The following TRAF3IP2 variants were observed in gnomAD, a reference collection of about 807,000 sequenced individuals.
TRAF3IP2 encodes E3 ubiquitin ligase TRAF3IP2.
A neutral mutation model predicts 57.9 loss-of-function variants in TRAF3IP2; 35 were observed. That is an observed-to-expected ratio of 0.60 (90% CI 0.46 to 0.80). The LOEUF is 0.80. Among genes scored for constraint, TRAF3IP2 ranks in the 30% least tolerant of loss-of-function variants. The pLI, the probability that TRAF3IP2 is intolerant of heterozygous loss-of-function variation, is 0.00. For synonymous variants in TRAF3IP2, 251 were observed against 268.9 expected, an observed-to-expected ratio of 0.93 and a Z score of 0.65; for missense variants, 556 against 706.4, an observed-to-expected ratio of 0.79 and a Z score of 2.41.
intron 2 of TRAF3IP2, among the ~76,000 whole-genome samples, chr6:111,581,983 CA>C (rs139566331): frequency 6.6e-6 from 1 of 151,450 alleles, no homozygotes; most frequent in Non-Finnish European, 1.5e-5. Context: ...GTCTCAAAAA[CA>C]AAAAAAAGAA....
At position 111,577,149 on chromosome 6, in the gene TRAF3IP2, CTTTTTT is replaced by C. The variant is rs11350237; in HGVS notation, c.1023-1334_1023-1329del. The C allele has an allele frequency of 2.1e-5, 3 of 140,516 alleles. No homozygotes were observed. In the East Asian group the frequency reaches 5.9e-4, roughly 28 times the overall value. The allele number at this position is 140,516 out of a possible 1,614,324, so 8.7% of individuals were successfully genotyped here. A position where few individuals can be genotyped will look rare whatever the true frequency, so the allele number is the denominator to read the frequency against. On this transcript the variant is annotated intron_variant, in intron 3 of 8. Coordinates refer to ENST00000368761, the MANE Select transcript of TRAF3IP2 (RefSeq NM_147686.4). ...TCCCATTCCATATTTTTTTCTTTTT[CTTTTTT>C]TTTTTTATTTCTCCAAGAAAAACTC...
At chr6:111,594,243 A>G (rs914593950) in intron 1 of TRAF3IP2, among the ~76,000 whole-genome samples, 60 of 152,120 alleles carry the variant, frequency 3.9e-4, no homozygotes, top group African/African-American at 1.4e-3. Context: ...AGAAAACGAA[A>G]ATATTTTTTC....
In TRAF3IP2 at chr6:111,557,556, A is replaced by T. The variant is rs1294453480; in HGVS notation, c.*1849T>A. ...ACCATTTTCCTGCCTCAGCCTCCCCAGTAGCTGGGACTACAGGCGCCTGCC... is the reference window on the plus strand; with the variant it reads ...ACCATTTTCCTGCCTCAGCCTCCCCTGTAGCTGGGACTACAGGCGCCTGCC... On this transcript the variant is annotated 3_prime_UTR_variant, in exon 9 of 9. Coordinates refer to ENST00000368761, the MANE Select transcript of TRAF3IP2 (RefSeq NM_147686.4). 6.8e-6 allele frequency: 1 copy of T among 146,426 alleles called. No homozygotes were observed. The highest frequency in any genetic ancestry group is 1.5e-5 in the Non-Finnish European group (1 of 67,414). The allele number at this position is 146,426 out of a possible 1,614,324, so 9.1% of individuals were successfully genotyped here.
At chr6:111,576,203 C>T (rs1367138485) in intron 3 of TRAF3IP2, among the ~76,000 whole-genome samples, 2 of 152,092 alleles carry the variant, frequency 1.3e-5, no homozygotes, top group African/African-American at 4.8e-5. Flanking sequence ...ACTTTTAGCT[C>T]ATAATAGGTA....
intron 1 of TRAF3IP2, among the ~76,000 whole-genome samples, chr6:111,605,415 C>G (rs1445364844): frequency 1.3e-5 from 2 of 152,250 alleles, no homozygotes; most frequent in African/African-American, 4.8e-5. Flanking sequence ...CCCTGGCTCT[C>G]TCTTTGGAGA....
intron 2 of TRAF3IP2, among the ~76,000 whole-genome samples, chr6:111,590,305 C>T (rs1031942678): frequency 6.6e-5 from 10 of 152,124 alleles, no homozygotes; most frequent in African/African-American, 2.4e-4. Flanking sequence ...AGAGGAGACA[C>T]GTACATAATT....
Position 111,567,676 on chromosome 6 carries a change from T to C in TRAF3IP2, c.1307A>G (p.Asp436Gly). Residue 436 changes from aspartate (D) to glycine (G), a missense_variant, in exon 6 of 9, where the codon GAT becomes GGT. Transcript: ENST00000368761. ...GFQTAIDIFE[D>G]RIRGIDIIKW... ...AATGATATCAATGCCTCGGATTCTATCCTCAAATATGTCAATCTGCAAAAA... is the reference window on the plus strand; with the variant it reads ...AATGATATCAATGCCTCGGATTCTACCCTCAAATATGTCAATCTGCAAAAA... The C allele has an allele frequency of 6.2e-7, 1 of 1,607,004 alleles. No individual in the cohort carries two copies. Among genetic ancestry groups the C allele is most frequent in the Non-Finnish European group, 8.5e-7 (1 of 1,177,520 alleles).
intron 8 of TRAF3IP2, among the ~76,000 whole-genome samples, chr6:111,560,694 C>T (rs1199928651): frequency 6.6e-6 from 1 of 152,154 alleles, no homozygotes; most frequent in Admixed American, 6.5e-5. Flanking sequence ...TCAGGTAATA[C>T]GGGCATTGTC....
At chr6:111,580,485 C>T in intron 2 of TRAF3IP2, 96 bp from the exon 3 acceptor site, 1 of 1,152,136 alleles carries the variant, frequency 8.7e-7, no homozygotes, top group Non-Finnish European at 1.2e-6. Context: ...TGTCTTGATC[C>T]CAGCTGAGGG....
chr6:111,595,981 G>A (rs1004069438), intron 1 of TRAF3IP2, among the ~76,000 whole-genome samples: 2 of 152,108 alleles, frequency 1.3e-5, no homozygotes, highest in Non-Finnish European at 2.9e-5. Flanking sequence ...GCGTCCCAGG[G>A]CCTTCGTGCT....
rs754074851 is a variant in TRAF3IP2 at position 111,556,617 on chromosome 6, G to A, written c.*2788C>T. 3 of 152,136 alleles carry A rather than the reference G, an allele frequency of 2.0e-5. No individual in the cohort carries two copies. The highest frequency in any genetic ancestry group is 2.1e-4 in the South Asian group (1 of 4,826). The allele number at this position is 152,136 out of a possible 1,614,324, so 9.4% of individuals were successfully genotyped here. A position where few individuals can be genotyped will look rare whatever the true frequency, so the allele number is the denominator to read the frequency against. ...CAGTTCTACCAGGTCTCAAAACTACGGAACTAATGTTACATGTCAGAAAGT... is the reference window on the plus strand; with the variant it reads ...CAGTTCTACCAGGTCTCAAAACTACAGAACTAATGTTACATGTCAGAAAGT... On this transcript the variant is annotated 3_prime_UTR_variant, in exon 9 of 9. Transcript: ENST00000368761.
chr6:111,580,162 T>TA, intron 3 of TRAF3IP2, 35 bp downstream of exon 3: 2 of 1,601,688 alleles, frequency 1.2e-6, no homozygotes, highest in South Asian at 1.1e-5. Context: ...CTTTCCATGT[T>TA]AAAAATGCCT....
chr6:111,603,963 G>C (rs537227859), intron 1 of TRAF3IP2, among the ~76,000 whole-genome samples: 70 of 152,330 alleles, frequency 4.6e-4, no homozygotes, highest in Non-Finnish European at 8.8e-4. Context: ...AGCGAGGCTG[G>C]CAAGTGCACA....
chr6:111,556,508 C>CAGACT lies in TRAF3IP2; in HGVS notation c.*2892_*2896dup, dbSNP rs1044897485. Reference sequence around the variant, plus strand: ...CGAATCCTTAATGATGGTGTCACCTCAGACTAAAAAAGATAATGAAAAAAG... The same window carrying CAGACT: ...CGAATCCTTAATGATGGTGTCACCTCAGACTAGACTAAAAAAGATAATGAAAAAAG... On this transcript the variant is annotated 3_prime_UTR_variant, in exon 9 of 9. Transcript: ENST00000368761. 20 of 152,030 alleles carry CAGACT rather than the reference C, an allele frequency of 1.3e-4. No individual in the cohort carries two copies. The highest frequency in any genetic ancestry group is 4.8e-4 in the African/African-American group (20 of 41,374). The allele number at this position is 152,030 out of a possible 1,614,324, so 9.4% of individuals were successfully genotyped here. A position where few individuals can be genotyped will look rare whatever the true frequency, so the allele number is the denominator to read the frequency against.
At chr6:111,576,663 C>T (rs535076419) in intron 3 of TRAF3IP2, 128 of 152,278 alleles carry the variant, frequency 8.4e-4, no homozygotes, top group African/African-American at 3.0e-3. Flanking sequence ...TTCCTGACCG[C>T]CAGAGGAGAC....
In TRAF3IP2 at chr6:111,578,667, T is replaced by A. The variant is rs990227054; in HGVS notation, c.1022+1530A>T. 7.2e-5 allele frequency among the ~76,000 whole-genome samples: 11 copies of A among 152,010 alleles called. 1 individual carries two copies. The South Asian group carries it at 8.3e-4, about 11-fold the overall frequency. ...CAAAAGAAAGAGAGAAAAAAAGAGA[T>A]CTGTCTTGAAAGAAAATATGAGGGT... is the stretch of plus-strand genomic sequence containing the variant. On this transcript the variant is annotated intron_variant, in intron 3 of 8. Coordinates refer to ENST00000368761, the MANE Select transcript of TRAF3IP2 (RefSeq NM_147686.4).
rs2128382110 is a variant in TRAF3IP2, at chr6:111,591,415, G to C, written c.672C>G (p.Pro224=). The C allele has an allele frequency of 6.4e-7, 1 of 1,563,794 alleles. No individual in the cohort carries two copies. The highest frequency in any genetic ancestry group is 1.4e-5 in the African/African-American group (1 of 73,440). The change falls in exon 2 of 9, where the codon CCC becomes CCG. Residue 224 remains proline, a synonymous_variant. Transcript: ENST00000368761. This position sits in a 1 kb window ranked among gnomAD's most constrained non-coding sequence, Gnocchi z 4.9. ...RPLPLTSVCY[P]QDLPRPLRSR... is the part of the protein sequence containing the mutation. ...ACCTGAGAGGTCTGGGGAGGTCCTG[G>C]GGGTAACACACGGAGGTGAGGGGCA...
In TRAF3IP2 at chr6:111,570,847, C is replaced by T. The variant is rs192531796; in HGVS notation, c.1290+2048G>A. ...TCCCAAGTAGCTGGGACTACAGGCA[C>T]GCACCACCACACCCAGTGTAATTTG... On this transcript the variant is annotated intron_variant, in intron 5 of 8. Coordinates refer to ENST00000368761, the MANE Select transcript of TRAF3IP2 (RefSeq NM_147686.4). Among the ~76,000 whole-genome samples the T allele has an allele frequency of 2.0e-3, 299 of 151,510 alleles. 2 individuals are homozygous for T. Among genetic ancestry groups the T allele is most frequent in the Non-Finnish European group, 2.8e-3 (193 of 67,806 alleles).
At chr6:111,570,692 C>T (rs956552892) in intron 5 of TRAF3IP2, among the ~76,000 whole-genome samples, 1 of 152,100 alleles carries the variant, frequency 6.6e-6, no homozygotes, top group African/African-American at 2.4e-5. Flanking sequence ...TTGGAAATGA[C>T]AAAAAGTAAG....
Sources: gnomAD v4.1 joint callset for allele counts (sites outside exome capture counted in the v4.1 genomes callset) on GRCh38, gnomAD v4.1.1 for gene constraint, Gnocchi (gnomAD v3.1) non-coding constraint, MANE v1.5 for transcripts, NCBI Gene and HGNC (gene_info 2026-07-23, HGNC 2026-07-21) for gene names.